KLHL10: variants seen among roughly 807,000 people sequenced by gnomAD.
The protein encoded by KLHL10 is kelch like family member 10.
In KLHL10, 11 loss-of-function variants were observed where a neutral mutation model predicts 46.6. The ratio of observed to expected loss-of-function variants is 0.24; its 90% CI spans 0.15 to 0.39. KLHL10 has a LOEUF of 0.39. KLHL10 is among the 10% of genes least tolerant of loss of function. KLHL10 has a pLI of 1.00. For synonymous variants in KLHL10, 254 were observed against 279.1 expected, an observed-to-expected ratio of 0.91 and a Z score of 0.90; for missense variants, 475 against 789.8, an observed-to-expected ratio of 0.60 and a Z score of 4.78.
intron 2 of KLHL10, among the ~76,000 whole-genome samples, chr17:41,843,618 TG>T (rs1172077369): frequency 1.3e-5 from 2 of 152,102 alleles, no homozygotes; most frequent in Non-Finnish European, 2.9e-5. Context: ...ACAATTACCA[TG>T]GTTTTTCTTG....
upstream of KLHL10, chr17:41,836,350 C>T (rs1555620074): frequency 1.6e-6 from 2 of 1,222,340 alleles, no homozygotes; most frequent in South Asian, 4.2e-5. Flanking sequence ...GAGATGGCCG[C>T]GATCCGGGTG....
At chr17:41,844,051 G>A (rs569331276) in intron 2 of KLHL10, among the ~76,000 whole-genome samples, 4 of 151,360 alleles carry the variant, frequency 2.6e-5, no homozygotes, top group Non-Finnish European at 4.4e-5. Flanking sequence ...GTGAGCTAGC[G>A]CCCGGCTGAC....
In KLHL10 at chr17:41,843,911, G is replaced by A. The variant is rs571067072; in HGVS notation, c.685-1215G>A. On this transcript the variant is annotated intron_variant, in intron 2 of 4. Transcript: ENST00000293303. ...CCAGTAGCTGGGACTACAGGCACCCGCCACCACGCCCAGCTAACTTTTTGT... is the reference window on the plus strand; with the variant it reads ...CCAGTAGCTGGGACTACAGGCACCCACCACCACGCCCAGCTAACTTTTTGT... Among the ~76,000 whole-genome samples the A allele has an allele frequency of 3.3e-5, 5 of 151,866 alleles. No homozygotes were observed. The South Asian group carries it at 6.2e-4, about 19-fold the overall frequency.
At chr17:41,836,220 G>A, upstream of KLHL10, 3 of 1,238,586 alleles carry the variant, frequency 2.4e-6, no homozygotes, top group Admixed American at 8.5e-5. Context: ...TCGGCGGCTC[G>A]CGGGACAACG....
chr17:41,844,986 TAAACTGTGACTTATACATTTCAAA>T, intron 2 of KLHL10, 116 bp from the exon 3 acceptor site: 1 of 1,069,638 alleles, frequency 9.3e-7, no homozygotes, highest in Non-Finnish European at 1.4e-6. Flanking sequence ...ATCGACTATT[TAAACTGTGACTTATACATTTCAAA>T]AACAAACCAA....
upstream of KLHL10, chr17:41,836,335 T>A: frequency 8.2e-7 from 1 of 1,216,652 alleles, no homozygotes; most frequent in Non-Finnish European, 1.0e-6. Flanking sequence ...AATCGAGCGG[T>A]CCCGGAGATG....
chr17:41,838,229 C>A, intron 1 of KLHL10, 103 bp downstream of exon 1: 1 of 1,047,846 alleles, frequency 9.5e-7, no homozygotes, highest in Non-Finnish European at 1.5e-6. Flanking sequence ...ACTTTAGGGA[C>A]ACTGTCAAAG....
chr17:41,845,235 C>T lies in KLHL10; in HGVS notation c.794C>T (p.Ala265Val), dbSNP rs566845766. 42 of 1,614,172 alleles carry T rather than the reference C, an allele frequency of 2.6e-5. No homozygotes were observed. In the South Asian group the frequency reaches 4.1e-4, roughly 16 times the overall value. The change falls in exon 3 of 5, where the codon GCC (alanine) becomes GTC (valine). Residue 265 changes from alanine (A) to valine (V), a missense_variant. By Grantham distance (64) the Ala-to-Val change is moderately conservative (BLOSUM62 0). Coordinates refer to ENST00000293303, the MANE Select transcript of KLHL10 (RefSeq NM_152467.5). ...CKPVIINALK[A>V]MYDLNMNGPS... ...CCAGTCATCATTAATGCCCTAAAGG[C>T]CATGTATGACCTCAACATGAATGGA...
chr17:41,835,949 G>T (rs1555619917), upstream of KLHL10: 1 of 1,591,162 alleles, frequency 6.3e-7, no homozygotes, highest in African/African-American at 1.3e-5. Context: ...CCTTCATCAG[G>T]GTGCTCACCT....
intron 1 of KLHL10, among the ~76,000 whole-genome samples, chr17:41,838,633 C>CTATTT (rs1555620438): frequency 7.2e-6 from 1 of 138,678 alleles, no homozygotes. Flanking sequence ...TTTTTTCTCT[C>CTATTT]TTTTTTTTTT....
chr17:41,838,138 T>C lies in KLHL10; in HGVS notation c.194+12T>C. 1 of 1,612,332 alleles carries C rather than the reference T, an allele frequency of 6.2e-7. No individual in the cohort carries two copies. The highest frequency in any genetic ancestry group is 1.1e-5 in the South Asian group (1 of 91,018). On this transcript the variant is annotated intron_variant, in intron 1 of 4. Transcript: ENST00000293303. ...AGTTCCTACTTTAGGTATAACAGGG[T>C]TGCCAAATTCAGCCAAAGGGGTAAT...
chr17:41,845,936 G>A, intron 3 of KLHL10, 193 bp downstream of exon 3: 1 of 775,712 alleles, frequency 1.3e-6, no homozygotes, highest in Non-Finnish European at 2.1e-6. Context: ...GCAAAGCCGG[G>A]CACGGTGGCT....
intron 1 of KLHL10, among the ~76,000 whole-genome samples, chr17:41,840,709 C>A (rs991982819): frequency 1.3e-5 from 2 of 151,748 alleles, no homozygotes; most frequent in African/African-American, 4.8e-5. Context: ...AATTTGTGGG[C>A]AGCATGAAAA....
Position 41,847,934 on chromosome 17 carries a change from TA to T in KLHL10, c.1455del (p.Gly486ValfsTer75). Reference protein sequence around the residue: ...VIAYGEHVYAVGGFDGANRLR... With the variant: ...VIAYGEHVYAXGGFDGANRLR... ...CCGTGTTTCTTTTGCTATCCACAGG[TA>T]GGTGGCTTTGATGGAGCTAATCGAC... is the stretch of plus-strand genomic sequence containing the variant. On this transcript the variant is annotated frameshift_variant and splice_region_variant, in exon 5 of 5. Transcript: ENST00000293303. LOFTEE classifies it high-confidence loss of function. 6.2e-7 allele frequency: 1 copy of T among 1,613,992 alleles called. No homozygotes were observed. The highest frequency in any genetic ancestry group is 8.5e-7 in the Non-Finnish European group (1 of 1,180,038).
At chr17:41,841,673 G>A in intron 1 of KLHL10, 150 bp from the exon 2 acceptor site, 2 of 858,216 alleles carry the variant, frequency 2.3e-6, no homozygotes, top group Non-Finnish European at 3.8e-6. Context: ...CAAGGTAAGA[G>A]TGACCAAAGT....
In KLHL10 at chr17:41,848,285, C is replaced by T. The variant is rs782416724; in HGVS notation, c.1805C>T (p.Ser602Leu). The T allele has an allele frequency of 9.3e-6, 15 of 1,611,074 alleles. No homozygotes were observed. Among genetic ancestry groups the T allele is most frequent in the Admixed American group, 1.7e-5 (1 of 59,962 alleles). The stretch of plus-strand genomic sequence containing the variant: ...CGAGATGAAGTAAAATATTCTGCTT[C>T]GACAAGTACCCTACCTGTATGAGCC... ...ALRDEVKYSA[S>L]TSTLPV The change falls in exon 5 of 5, where the codon TCG (serine) becomes TTG (leucine). Residue 602 changes from serine to leucine, a missense_variant. Coordinates refer to ENST00000293303, the MANE Select transcript of KLHL10 (RefSeq NM_152467.5).
chr17:41,845,006 T>G, intron 2 of KLHL10, 120 bp from the exon 3 acceptor site: 1 of 1,305,782 alleles, frequency 7.7e-7, no homozygotes, highest in Non-Finnish European at 1.1e-6. Flanking sequence ...CTTATACATT[T>G]CAAAAACAAA....
At chr17:41,846,453 G>A (rs1403363676) in intron 3 of KLHL10, among the ~76,000 whole-genome samples, 12 of 151,954 alleles carry the variant, frequency 7.9e-5, no homozygotes, top group African/African-American at 2.7e-4. Context: ...CCTAGGAGGC[G>A]GAGGCTGCAG....
chr17:41,841,529 G>A (rs1555620726), intron 1 of KLHL10, among the ~76,000 whole-genome samples: 1 of 152,122 alleles, frequency 6.6e-6, no homozygotes, highest in East Asian at 1.9e-4. Flanking sequence ...TGGCCAGGCT[G>A]GTCTTGAACT....
Sources: allele counts gnomAD v4.1 joint callset (sites outside exome capture counted in the v4.1 genomes callset), GRCh38; gene constraint gnomAD v4.1.1; transcripts MANE v1.5; gene names NCBI Gene and HGNC (gene_info 2026-07-23, HGNC 2026-07-21).